The following ENPP1 variants were observed in gnomAD, a reference collection of about 807,000 sequenced individuals.
The protein encoded by ENPP1 is ectonucleotide pyrophosphatase/phosphodiesterase family member 1.
Under a neutral mutation model 122.8 loss-of-function variants are expected in ENPP1, and 73 were observed. The ratio of observed to expected loss-of-function variants is 0.59; its 90% CI spans 0.49 to 0.72. The LOEUF is 0.72. ENPP1 is among the 30% of genes least tolerant of loss of function. The pLI is 0.00. For missense variants in ENPP1, 978 were observed against 1,128.1 expected, an observed-to-expected ratio of 0.87 and a Z score of 1.91; for synonymous variants, 367 against 391.6, an observed-to-expected ratio of 0.94 and a Z score of 0.74.
intron 2 of ENPP1, among the ~76,000 whole-genome samples, chr6:131,848,329 A>G (rs1781839303): frequency 6.6e-6 from 1 of 152,174 alleles, no homozygotes; most frequent in Non-Finnish European, 1.5e-5. Flanking sequence ...GCAGAAATCT[A>G]TCCAGCATTG....
chr6:131,826,686 A>G, intron 1 of ENPP1: 1 of 652,720 alleles, frequency 1.5e-6, no homozygotes, highest in Non-Finnish European at 2.6e-6. Context: ...TTCCCTCATT[A>G]TCAAGGGACA....
chr6:131,853,799 A>G (rs1781909651), intron 5 of ENPP1, among the ~76,000 whole-genome samples: 1 of 152,162 alleles, frequency 6.6e-6, no homozygotes, highest in Admixed American at 6.6e-5. Context: ...GAAGTTCCCT[A>G]CCACCTACCA....
intron 12 of ENPP1, among the ~76,000 whole-genome samples, chr6:131,869,136 A>G (rs1782126334): frequency 6.6e-6 from 1 of 152,234 alleles, no homozygotes; most frequent in African/African-American, 2.4e-5. Flanking sequence ...ATATATAAAT[A>G]AGAAGAAACA....
intron 2 of ENPP1, among the ~76,000 whole-genome samples, 184 bp from the exon 3 acceptor site, chr6:131,849,806 T>C (rs1469893270): frequency 2.0e-5 from 3 of 152,226 alleles, no homozygotes; most frequent in African/African-American, 7.2e-5. Flanking sequence ...ATAAGGTTAC[T>C]TTCTGTTTGT....
At chr6:131,826,102 G>A (rs1309128326) in intron 1 of ENPP1, 1 of 806,530 alleles carries the variant, frequency 1.2e-6, no homozygotes, top group Non-Finnish European at 2.3e-6. Flanking sequence ...CAGTTCAGGA[G>A]GAAGTGTTTC....
At chr6:131,870,636 T>C (rs1044915766) in intron 13 of ENPP1, among the ~76,000 whole-genome samples, 2 of 152,214 alleles carry the variant, frequency 1.3e-5, no homozygotes, top group African/African-American at 4.8e-5. Context: ...ATGAAGAAAA[T>C]AGATTTCACT....
chr6:131,869,900 T>C (rs1282291350), intron 13 of ENPP1, among the ~76,000 whole-genome samples: 2 of 150,184 alleles, frequency 1.3e-5, no homozygotes, highest in Non-Finnish European at 3.0e-5. Flanking sequence ...TAAATCATTA[T>C]ATCGCTAAAC....
rs185753318 is a variant in ENPP1, at chr6:131,832,587, T to C, written c.241-15189T>C. ...GTTCAGCACCTGGTCATCAGCTCTG[T>C]AAACTCAAAAATCTCTCATAGTTTT... On this transcript the variant is annotated intron_variant, in intron 1 of 24. Transcript: ENST00000647893. Among the ~76,000 whole-genome samples the C allele has an allele frequency of 2.3e-3, 350 of 152,328 alleles. 1 individual carries two copies. Among genetic ancestry groups the C allele is most frequent in the Admixed American group, 5.7e-3 (87 of 15,298 alleles).
chr6:131,867,920 T>A, intron 11 of ENPP1, 98 bp from the exon 12 acceptor site: 2 of 860,848 alleles, frequency 2.3e-6, no homozygotes, highest in Non-Finnish European at 3.9e-6. Flanking sequence ...TCTTTCTTTG[T>A]TTCTTTCTTT....
intron 1 of ENPP1, among the ~76,000 whole-genome samples, chr6:131,831,022 A>T (rs1263097933): frequency 2.8e-5 from 4 of 143,564 alleles, no homozygotes; most frequent in African/African-American, 1.0e-4. Context: ...CTGAGATGGG[A>T]GGATCACTTG....
chr6:131,880,139 C>G lies in ENPP1; in HGVS notation c.2100+105C>G, dbSNP rs944818349. 18 of 1,166,154 alleles carry G rather than the reference C, an allele frequency of 1.5e-5. No homozygotes were observed. The African/African-American group carries it at 2.7e-4, about 18-fold the overall frequency. The allele number at this position is 1,166,154 out of a possible 1,614,324, so 72.2% of individuals were successfully genotyped here. A position where few individuals can be genotyped will look rare whatever the true frequency, so the allele number is the denominator to read the frequency against. On this transcript the variant is annotated intron_variant, in intron 20 of 24. Transcript: ENST00000647893. ...GTTCACCTTGGCTTTATACTCAGTTCCCGCATTAGAGGAACACTGAAGAGG... is the reference window on the plus strand; with the variant it reads ...GTTCACCTTGGCTTTATACTCAGTTGCCGCATTAGAGGAACACTGAAGAGG...
rs759257042 is a variant in ENPP1 at position 131,858,687 on chromosome 6, TA to T, written c.740del (p.Asn247ThrfsTer2). On this transcript the variant is annotated frameshift_variant, in exon 7 of 25. Transcript: ENST00000647893. LOFTEE classifies it high-confidence loss of function. ...TTCTAGAAAAATGTGGAACATATAC[TA>T]AAAACATGAGACCGGTATATCCAAC... ...SKLKKCGTYTKNMRPVYPTKT... is the reference protein window; with the variant it reads ...SKLKKCGTYTXNMRPVYPTKT... The T allele has an allele frequency of 1.2e-6, 2 of 1,609,124 alleles. No homozygotes were observed. Among genetic ancestry groups the T allele is most frequent in the East Asian group, 2.2e-5 (1 of 44,782 alleles).
chr6:131,856,675 A>G (rs1184576915), intron 6 of ENPP1, among the ~76,000 whole-genome samples: 7 of 142,418 alleles, frequency 4.9e-5, no homozygotes, highest in Non-Finnish European at 9.1e-5. Context: ...TATAAGGTGT[A>G]AGGAAGGGAT....
At chr6:131,832,493 C>A (rs1781626565) in intron 1 of ENPP1, among the ~76,000 whole-genome samples, 1 of 152,196 alleles carries the variant, frequency 6.6e-6, no homozygotes, top group Admixed American at 6.5e-5. Context: ...AGGAGAAAGG[C>A]AAGCATGCTT....
intron 1 of ENPP1, chr6:131,820,704 C>T (rs1585792734): frequency 6.6e-6 from 1 of 152,178 alleles, no homozygotes; most frequent in Admixed American, 6.5e-5. Flanking sequence ...TATCCATCCC[C>T]ATGTTAGAGA....
intron 1 of ENPP1, chr6:131,819,859 T>C (rs1458326449): frequency 6.6e-6 from 3 of 451,942 alleles, no homozygotes; most frequent in African/African-American, 2.1e-5. Context: ...AAATGATTGA[T>C]TCGACCAATT....
chr6:131,840,704 C>T (rs1781729170), intron 1 of ENPP1, among the ~76,000 whole-genome samples: 1 of 152,222 alleles, frequency 6.6e-6, no homozygotes, highest in African/African-American at 2.4e-5. Flanking sequence ...CAGAAGAATG[C>T]AAGCCGCCTG....
Position 131,834,528 on chromosome 6 carries a change from C to CTT in ENPP1, c.241-13231_241-13230dup, listed in dbSNP as rs34437450. On this transcript the variant is annotated intron_variant, in intron 1 of 24. Coordinates refer to ENST00000647893, the MANE Select transcript of ENPP1 (RefSeq NM_006208.3). ...GCATGTACATATTTGAGGTAATAGTCTTTTTTTTTTTTTTTTTTCTGAGAT... is the reference window on the plus strand; with the variant it reads ...GCATGTACATATTTGAGGTAATAGTCTTTTTTTTTTTTTTTTTTTTCTGAGAT... Among the ~76,000 whole-genome samples the CTT allele has an allele frequency of 7.5e-4, 100 of 133,072 alleles. 1 individual carries two copies. Among genetic ancestry groups the CTT allele is most frequent in the South Asian group, 6.5e-3 (27 of 4,134 alleles). The allele number at this position is 133,072 out of a possible 152,430, so 87.3% of individuals were successfully genotyped here.
At chr6:131,879,776 T>A in intron 19 of ENPP1, 104 bp from the exon 20 acceptor site, 2 of 1,049,280 alleles carry the variant, frequency 1.9e-6, no homozygotes, top group Admixed American at 3.7e-5. Flanking sequence ...TAAAAGTAAA[T>A]CTTCAATATA....
Sources: gnomAD v4.1 joint callset for allele counts (sites outside exome capture counted in the v4.1 genomes callset) on GRCh38, gnomAD v4.1.1 for gene constraint, MANE v1.5 for transcripts, NCBI Gene and HGNC (gene_info 2026-07-23, HGNC 2026-07-21) for gene names.